Variants in MCC observed in about 807,000 individuals in gnomAD.
MCC encodes colorectal mutant cancer protein.
Under a neutral mutation model 116.2 loss-of-function variants are expected in MCC, and 90 were observed. The ratio of observed to expected loss-of-function variants is 0.77; its 90% confidence interval spans 0.65 to 0.92. MCC has a LOEUF of 0.92. Among genes scored for constraint, MCC ranks in the 40% least tolerant of loss-of-function variants. The pLI, the probability that MCC is intolerant of heterozygous loss-of-function variation, is 0.00. For synonymous variants in MCC, 578 were observed against 510.5 expected (o/e 1.13, Z -1.78); for missense variants, 1,516 against 1,312.2 (o/e 1.16, Z -2.40).
intron 2 of MCC, among the ~76,000 whole-genome samples, chr5:113,341,920 G>A (rs1581413084): frequency 6.6e-6 from 1 of 152,224 alleles, no homozygotes; most frequent in African/African-American, 2.4e-5. Flanking sequence ...TGATTTCTAA[G>A]ACTTTGGTGC....
Position 113,044,493 on chromosome 5 carries a change from A to G in MCC, c.2656-863T>C, listed in dbSNP as rs559488711. 16 of 984,112 alleles carry G rather than the reference A, an allele frequency of 1.6e-5. No individual in the cohort carries two copies. In the African/African-American group the frequency reaches 1.9e-4, roughly 12 times the overall value. The allele number at this position is 984,112 out of a possible 1,614,324, so 61.0% of individuals were successfully genotyped here. A position where few individuals can be genotyped will look rare whatever the true frequency, so the allele number is the denominator to read the frequency against. On this transcript the variant is annotated intron_variant, in intron 16 of 18. Coordinates refer to ENST00000408903, the MANE Select transcript of MCC (RefSeq NM_001085377.2). ...AAGGCATTCATCGGATGATCTCTCA[A>G]CGGACATGAGTGCTACCAAGCTGCA...
At chr5:113,253,268 C>T (rs988557271) in intron 3 of MCC, among the ~76,000 whole-genome samples, 5 of 152,148 alleles carry the variant, frequency 3.3e-5, no homozygotes, top group Non-Finnish European at 7.4e-5. Context: ...GGTACATCTG[C>T]AAAACTGCCT....
intron 11 of MCC, among the ~76,000 whole-genome samples, 182 bp downstream of exon 11, chr5:113,082,678 G>A (rs1003540241): frequency 2.6e-5 from 4 of 152,224 alleles, no homozygotes; most frequent in Non-Finnish European, 4.4e-5. Flanking sequence ...CATGATGGCA[G>A]CTCAGACTGC....
intron 3 of MCC, among the ~76,000 whole-genome samples, chr5:113,202,004 T>G (rs1762702988): frequency 6.6e-6 from 1 of 152,034 alleles, no homozygotes; most frequent in Non-Finnish European, 1.5e-5. Flanking sequence ...CCCTCCCAGT[T>G]TTTACTGGCT....
At chr5:113,324,099 T>C (rs13357188) in intron 3 of MCC, among the ~76,000 whole-genome samples, 4,241 of 152,242 alleles carry the variant, frequency 0.028, 205 homozygotes, top group African/African-American at 0.096. Flanking sequence ...TCTGCGGTGT[T>C]GCAAGGGAGG....
At chr5:113,052,869 T>C (rs961841208) in intron 15 of MCC, among the ~76,000 whole-genome samples, 6 of 152,136 alleles carry the variant, frequency 3.9e-5, no homozygotes, top group Non-Finnish European at 8.8e-5. Flanking sequence ...TCTGAAGCTG[T>C]CTAGGGCCCA....
At chr5:113,149,775 G>T (rs555219243) in intron 4 of MCC, among the ~76,000 whole-genome samples, 1 of 152,134 alleles carries the variant, frequency 6.6e-6, no homozygotes. Context: ...TGGAGACAAG[G>T]TGTGCCATTG....
intron 3 of MCC, among the ~76,000 whole-genome samples, chr5:113,260,301 T>C (rs1391375413): frequency 1.3e-5 from 2 of 152,196 alleles, no homozygotes; most frequent in Non-Finnish European, 2.9e-5. Flanking sequence ...ATACTTTTTA[T>C]GTATTTTTCC....
chr5:113,063,296 A>G (rs1310583906), intron 14 of MCC, among the ~76,000 whole-genome samples: 1 of 152,078 alleles, frequency 6.6e-6, no homozygotes, highest in Non-Finnish European at 1.5e-5. Context: ...CTGACTCTCC[A>G]CTCCCATCCA....
chr5:113,337,336 G>GTA (rs1767894267), intron 3 of MCC, among the ~76,000 whole-genome samples: 1 of 152,192 alleles, frequency 6.6e-6, no homozygotes, highest in Non-Finnish European at 1.5e-5. Flanking sequence ...CCAATGGGTG[G>GTA]TATACCAGGA....
At chr5:113,287,735 C>G (rs1416061302) in intron 3 of MCC, among the ~76,000 whole-genome samples, 2 of 152,198 alleles carry the variant, frequency 1.3e-5, no homozygotes, top group African/African-American at 4.8e-5. Context: ...AGCTAGGCAG[C>G]TATTACAACT....
chr5:113,054,985 T>C (rs1040127666), intron 14 of MCC, among the ~76,000 whole-genome samples: 2 of 152,176 alleles, frequency 1.3e-5, no homozygotes, highest in Admixed American at 6.5e-5. Context: ...CCGACAGCAG[T>C]TTCTCTGCAC....
At chr5:113,076,546 T>C (rs1233876075) in intron 11 of MCC, among the ~76,000 whole-genome samples, 14 of 152,216 alleles carry the variant, frequency 9.2e-5, no homozygotes, top group Non-Finnish European at 1.8e-4. Context: ...CAGAATTTCA[T>C]ATGCAGCCAA....
intron 1 of MCC, among the ~76,000 whole-genome samples, chr5:113,487,766 C>G (rs868115579): frequency 1.3e-5 from 2 of 152,350 alleles, no homozygotes; most frequent in Middle Eastern, 3.4e-3. Flanking sequence ...AGTTTCTTCA[C>G]AGGTTATTTC....
At chr5:113,172,987 G>C (rs1246826664) in intron 3 of MCC, among the ~76,000 whole-genome samples, 1 of 151,960 alleles carries the variant, frequency 6.6e-6, no homozygotes, top group Non-Finnish European at 1.5e-5. Flanking sequence ...TTAATTGCCT[G>C]TTTATGTTCT....
At chr5:113,190,577 T>C (rs1296637113) in intron 3 of MCC, among the ~76,000 whole-genome samples, 1 of 152,176 alleles carries the variant, frequency 6.6e-6, no homozygotes, top group Non-Finnish European at 1.5e-5. Flanking sequence ...TGTAGAGCTA[T>C]TCAGTATTAG....
intron 3 of MCC, among the ~76,000 whole-genome samples, chr5:113,196,295 C>A (rs540095949): frequency 6.6e-6 from 1 of 152,184 alleles, no homozygotes; most frequent in South Asian, 2.1e-4. Context: ...ACCTGGGTCA[C>A]AGTCAGGTGC....
intron 3 of MCC, among the ~76,000 whole-genome samples, chr5:113,339,436 T>TGCGC (rs950620018): frequency 4.7e-5 from 6 of 127,586 alleles, no homozygotes; most frequent in Admixed American, 1.6e-4. Context: ...TGTGTGTGTG[T>TGCGC]GTGCGTGCAT....
At chr5:113,207,196 G>C (rs1762947922) in intron 3 of MCC, among the ~76,000 whole-genome samples, 1 of 152,140 alleles carries the variant, frequency 6.6e-6, no homozygotes, top group African/African-American at 2.4e-5. Flanking sequence ...TCGTATTTGA[G>C]ACCAGACCTC....
Sources: gnomAD v4.1 joint callset for allele counts (sites outside exome capture counted in the v4.1 genomes callset) on GRCh38, gnomAD v4.1.1 for gene constraint, MANE v1.5 for transcripts, NCBI Gene and HGNC (gene_info 2026-07-23, HGNC 2026-07-21) for gene names.